Variants in CTNNA3 observed in about 807,000 individuals in gnomAD.
CTNNA3 encodes catenin alpha-3.
A neutral mutation model predicts 95.7 loss-of-function variants in CTNNA3; 76 were observed. The ratio of observed to expected loss-of-function variants is 0.79; its 90% confidence interval spans 0.66 to 0.96. CTNNA3 has a LOEUF of 0.96. Ranked by LOEUF, CTNNA3 falls within the 40% of genes least tolerant of loss-of-function variation. The pLI is 0.00. For missense variants in CTNNA3, 1,191 were observed against 1,089.8 expected (o/e 1.09, Z -1.31); for synonymous variants, 431 against 374.4 (o/e 1.15, Z -1.74).
chr10:67,702,299 C>T (rs1382342510), intron 1 of CTNNA3, among the ~76,000 whole-genome samples: 4 of 152,096 alleles, frequency 2.6e-5, no homozygotes, highest in Admixed American at 6.6e-5. Context: ...ACAGAACTCT[C>T]CACCCCAAAT....
rs150456296 is a variant in CTNNA3 at position 66,864,754 on chromosome 10, G to A, written c.1048-89230C>T. ...TCTCATACTCAAATTCTGTTATAGAGTGCTCATTAACATAGATGTAGCTTT... is the reference window on the plus strand; with the variant it reads ...TCTCATACTCAAATTCTGTTATAGAATGCTCATTAACATAGATGTAGCTTT... On this transcript the variant is annotated intron_variant, in intron 7 of 17. Coordinates refer to ENST00000433211, the MANE Select transcript of CTNNA3 (RefSeq NM_013266.4). 5.9e-3 allele frequency among the ~76,000 whole-genome samples: 898 copies of A among 152,110 alleles called. 6 individuals carry two copies. The highest frequency in any genetic ancestry group is 0.015 in the African/African-American group (640 of 41,506).
intron 9 of CTNNA3, among the ~76,000 whole-genome samples, chr10:66,690,928 C>T (rs565358613): frequency 5.3e-5 from 8 of 152,206 alleles, no homozygotes; most frequent in Non-Finnish European, 1.0e-4. Flanking sequence ...AACTAGTTTG[C>T]AGTCCCACCA....
At chr10:66,558,555 A>G (rs966578428) in intron 10 of CTNNA3, among the ~76,000 whole-genome samples, 2 of 152,158 alleles carry the variant, frequency 1.3e-5, no homozygotes, top group African/African-American at 4.8e-5. Context: ...ATAAATTCCT[A>G]CATGGAAATA....
chr10:65,950,876 C>A (rs1359771758), intron 17 of CTNNA3, among the ~76,000 whole-genome samples: 2 of 152,102 alleles, frequency 1.3e-5, no homozygotes, highest in African/African-American at 4.8e-5. Context: ...TTCTTTCCTT[C>A]CCATATCCAG....
intron 12 of CTNNA3, among the ~76,000 whole-genome samples, chr10:66,336,484 C>T (rs568770067): frequency 6.6e-6 from 1 of 152,056 alleles, no homozygotes; most frequent in African/African-American, 2.4e-5. Context: ...AAAAGAATTG[C>T]AAAGAGTTAA....
At chr10:66,711,548 T>C (rs1848295543) in intron 9 of CTNNA3, among the ~76,000 whole-genome samples, 1 of 152,016 alleles carries the variant, frequency 6.6e-6, no homozygotes, top group Admixed American at 6.6e-5. Context: ...GCTTTTCTTT[T>C]TTCTTTTTTT....
intron 5 of CTNNA3, among the ~76,000 whole-genome samples, chr10:67,260,059 TA>T (rs1419780849): frequency 6.6e-6 from 1 of 152,186 alleles, no homozygotes; most frequent in Non-Finnish European, 1.5e-5. Context: ...ACTAATCAAG[TA>T]ACATGTATTT....
chr10:67,738,771 A>C (rs1444773580), intron 1 of CTNNA3, among the ~76,000 whole-genome samples: 3 of 152,218 alleles, frequency 2.0e-5, no homozygotes, highest in African/African-American at 7.2e-5. Context: ...CTGAAAACCA[A>C]GGCACAAGAA....
At chr10:66,973,219 C>G (rs1274087450) in intron 7 of CTNNA3, among the ~76,000 whole-genome samples, 3 of 152,150 alleles carry the variant, frequency 2.0e-5, no homozygotes, top group African/African-American at 7.2e-5. Context: ...TCAAAAATGT[C>G]AGTTTCCAAT....
intron 13 of CTNNA3, among the ~76,000 whole-genome samples, chr10:66,279,697 A>C (rs2091460570): frequency 2.0e-5 from 3 of 151,998 alleles, no homozygotes; most frequent in Admixed American, 6.6e-5. Context: ...TCTCTGCCTC[A>C]CTTTGTCTCA....
chr10:67,609,082 C>T (rs1485416890), intron 2 of CTNNA3, among the ~76,000 whole-genome samples: 2 of 111,268 alleles, frequency 1.8e-5, no homozygotes, highest in African/African-American at 4.1e-5. Flanking sequence ...AAGGGCAAAA[C>T]TCTATCTCAA....
intron 10 of CTNNA3, among the ~76,000 whole-genome samples, chr10:66,601,476 T>C (rs1184098219): frequency 6.6e-6 from 1 of 151,902 alleles, no homozygotes; most frequent in African/African-American, 2.4e-5. Context: ...CATTTGACTC[T>C]CAAGTTCTCC....
intron 9 of CTNNA3, among the ~76,000 whole-genome samples, chr10:66,734,872 CAAA>C (rs34979571): frequency 1.7e-4 from 22 of 132,706 alleles, no homozygotes; most frequent in South Asian, 1.2e-3. Context: ...AAGACTGTTT[CAAA>C]AAAAAAAAAA....
chr10:66,477,862 A>T (rs1289950758), intron 11 of CTNNA3, among the ~76,000 whole-genome samples: 8 of 152,068 alleles, frequency 5.3e-5, no homozygotes, highest in Non-Finnish European at 2.9e-5. Flanking sequence ...ATCCACTCTC[A>T]TAAGTAACAT....
intron 14 of CTNNA3, among the ~76,000 whole-genome samples, chr10:66,074,261 T>G (rs1456018555): frequency 6.6e-6 from 1 of 151,920 alleles, no homozygotes; most frequent in East Asian, 1.9e-4. Flanking sequence ...TTATTCATGT[T>G]TTTCTATAAA....
intron 5 of CTNNA3, among the ~76,000 whole-genome samples, chr10:67,507,268 G>A (rs986203047): frequency 4.6e-5 from 7 of 152,110 alleles, no homozygotes; most frequent in Non-Finnish European, 7.4e-5. Flanking sequence ...AGTGGCTCAC[G>A]CCTGTAATCC....
At chr10:66,528,205 C>T (rs969763749) in intron 10 of CTNNA3, among the ~76,000 whole-genome samples, 6 of 152,218 alleles carry the variant, frequency 3.9e-5, no homozygotes, top group African/African-American at 1.4e-4. Context: ...TGTCTGACAC[C>T]CCAGACCAAA....
intron 5 of CTNNA3, among the ~76,000 whole-genome samples, chr10:67,408,929 C>T (rs541186391): frequency 1.7e-5 from 2 of 119,432 alleles, no homozygotes; most frequent in African/African-American, 5.9e-5. Context: ...AAGGACTGAA[C>T]AGACACTTCT....
At chr10:67,110,074 C>T (rs898056950) in intron 7 of CTNNA3, among the ~76,000 whole-genome samples, 7 of 152,008 alleles carry the variant, frequency 4.6e-5, no homozygotes, top group African/African-American at 1.7e-4. Flanking sequence ...AATTATTTCT[C>T]AAAAGTATAA....
Sources: allele counts gnomAD v4.1 joint callset (sites outside exome capture counted in the v4.1 genomes callset), GRCh38; gene constraint gnomAD v4.1.1; transcripts MANE v1.5; gene names NCBI Gene and HGNC (gene_info 2026-07-23, HGNC 2026-07-21).